The following HEATR9 variants were observed in gnomAD, a reference collection of about 807,000 sequenced individuals.
The protein encoded by HEATR9 is protein HEATR9.
A neutral mutation model predicts 68.2 loss-of-function variants in HEATR9; 54 were observed. The ratio of observed to expected loss-of-function variants is 0.79; its 90% CI spans 0.64 to 0.99. HEATR9 has a LOEUF of 0.99. Ranked by LOEUF, HEATR9 falls within the 50% of genes least tolerant of loss-of-function variation. HEATR9 has a pLI of 0.00. For synonymous variants in HEATR9, 241 were observed against 253.5 expected (o/e 0.95, Z 0.47); for missense variants, 662 against 679.7 (o/e 0.97, Z 0.29).
rs751512814 is a variant in HEATR9, at chr17:35,858,947, T to C, written c.880A>G (p.Met294Val). The change falls in exon 9 of 15, where the codon ATG (methionine) becomes GTG (valine). Residue 294 changes from methionine (M) to valine (V), a missense_variant. Met to Val is a conservative substitution (Grantham distance 21). Coordinates refer to ENST00000604834, the MANE Select transcript of HEATR9 (RefSeq NM_152781.4). ...CACTGCAACAAGAACTCTTGGACCA[T>C]GTTGCTGCAAGGCCTCAGGAAACCC... ...CLGFLRPCSN[M>V]VQEFLLQCLC... 2 of 1,614,136 alleles carry C rather than the reference T, an allele frequency of 1.2e-6. No homozygotes were observed. The highest frequency in any genetic ancestry group is 1.1e-5 in the South Asian group (1 of 91,080).
intron 9 of HEATR9, 88 bp downstream of exon 9, chr17:35,858,800 C>T (rs974508265): frequency 1.4e-6 from 2 of 1,435,440 alleles, no homozygotes; most frequent in African/African-American, 2.8e-5. Context: ...CTGCAGTGCT[C>T]CACCACCAGG....
chr17:35,867,299 G>T (rs756204397), intron 1 of HEATR9, among the ~76,000 whole-genome samples: 6 of 151,788 alleles, frequency 4.0e-5, no homozygotes, highest in Non-Finnish European at 8.8e-5. Flanking sequence ...GCCAGGGGTG[G>T]TGGTGCATGC....
chr17:35,861,609 A>G (rs2087995275), intron 8 of HEATR9: 7 of 640,642 alleles, frequency 1.1e-5, no homozygotes, highest in Admixed American at 9.7e-5. Context: ...AACCATGCCA[A>G]ACATACTCCT....
Position 35,865,237 on chromosome 17 carries a change from T to C in HEATR9, c.298A>G (p.Arg100Gly). 6.2e-7 allele frequency: 1 copy of C among 1,614,040 alleles called. No individual in the cohort carries two copies. ...REEREAEKML[R>G]KMRDDCRYIK... Reference sequence around the variant, plus strand: ...CACCTACAGTCATCTCTCATTTTCCTCAACATCTTCTCAGCCTCCCTTTCC... The same window carrying C: ...CACCTACAGTCATCTCTCATTTTCCCCAACATCTTCTCAGCCTCCCTTTCC... The change falls in exon 3 of 15, where the codon AGG (arginine) becomes GGG (glycine). Residue 100 changes from arginine to glycine, a missense_variant. Arg to Gly is a moderately radical substitution (Grantham distance 125, BLOSUM62 -2). Coordinates refer to ENST00000604834, the MANE Select transcript of HEATR9 (RefSeq NM_152781.4).
In HEATR9 at chr17:35,858,479, A is replaced by G. The variant is rs984758322; in HGVS notation, c.986T>C (p.Val329Ala). 6.2e-7 allele frequency: 1 copy of G among 1,614,044 alleles called. No homozygotes were observed. Among genetic ancestry groups the G allele is most frequent in the Admixed American group, 1.7e-5 (1 of 60,008 alleles). The change falls in exon 10 of 15, where the codon GTC becomes GCC. Residue 329 changes from valine to alanine, a missense_variant. Transcript: ENST00000604834. Reference protein sequence around the residue: ...VKVMHVHSAPVIKAILDQLCS... With the variant: ...VKVMHVHSAPAIKAILDQLCS... Reference sequence around the variant, plus strand: ...CAGCTGGTCTAGGATGGCCTTGATGACTGGGGCTGAGTGCACGTGCATCAC... The same window carrying G: ...CAGCTGGTCTAGGATGGCCTTGATGGCTGGGGCTGAGTGCACGTGCATCAC...
At position 35,863,669 on chromosome 17, in the gene HEATR9, T is replaced by TA. The variant is rs2088084088; in HGVS notation, c.568-111dup. 38 of 1,195,016 alleles carry TA rather than the reference T, an allele frequency of 3.2e-5. No individual in the cohort carries two copies. In the East Asian group the frequency reaches 9.1e-4, roughly 29 times the overall value. 74.0% of individuals were successfully genotyped at this position (1,195,016 alleles called of 1,614,324 possible). Reference sequence around the variant, plus strand: ...TTTTACAAAAGAGGAAACTGAAGCCTAGAAAGTGACCTATCTATTCTCAAA... The same window carrying TA: ...TTTTACAAAAGAGGAAACTGAAGCCTAAGAAAGTGACCTATCTATTCTCAAA... On this transcript the variant is annotated intron_variant, in intron 6 of 14. Transcript: ENST00000604834.
chr17:35,866,650 A>C (rs2143976337), intron 2 of HEATR9, 74 bp downstream of exon 2: 2 of 1,394,614 alleles, frequency 1.4e-6, no homozygotes, highest in Middle Eastern at 3.6e-4. Flanking sequence ...AGCTGGCTTT[A>C]ATGGGAAGGG....
chr17:35,868,445 G>A, intron 1 of HEATR9: 3 of 774,130 alleles, frequency 3.9e-6, no homozygotes, highest in Admixed American at 3.0e-5. Flanking sequence ...AGACACACAG[G>A]TGTCCCATCT....
At chr17:35,864,602 A>C in intron 4 of HEATR9, 49 bp from the exon 5 acceptor site, 2 of 1,594,606 alleles carry the variant, frequency 1.3e-6, no homozygotes, top group Non-Finnish European at 1.7e-6. Context: ...AAAAATAAAG[A>C]ATTTCAAACT....
chr17:35,863,230 C>T, intron 7 of HEATR9, 105 bp from the exon 8 acceptor site: 3 of 1,450,788 alleles, frequency 2.1e-6, no homozygotes, highest in Non-Finnish European at 2.9e-6. Flanking sequence ...GTTCCAAGTC[C>T]TAGGTACCAC....
In HEATR9 at chr17:35,858,486, C is replaced by T; in HGVS notation, c.979G>A (p.Ala327Thr). Residue 327 changes from alanine (A) to threonine (T), a missense_variant, in exon 10 of 15, where the codon GCC (alanine) becomes ACC (threonine). Ala to Thr is a moderately conservative substitution (Grantham distance 58, BLOSUM62 0). Transcript: ENST00000604834. ...TCTAGGATGGCCTTGATGACTGGGG[C>T]TGAGTGCACGTGCATCACCTTGACC... ...MLVKVMHVHS[A>T]PVIKAILDQL... 6.2e-7 allele frequency: 1 copy of T among 1,614,046 alleles called. No individual in the cohort carries two copies. Among genetic ancestry groups the T allele is most frequent in the Non-Finnish European group, 8.5e-7 (1 of 1,180,018 alleles).
chr17:35,868,219 C>T (rs1329400415), intron 1 of HEATR9, among the ~76,000 whole-genome samples: 1 of 152,184 alleles, frequency 6.6e-6, no homozygotes, highest in African/African-American at 2.4e-5. Context: ...GATGTAGACA[C>T]AGGTGGTAAA....
chr17:35,856,239 G>A lies in HEATR9; in HGVS notation c.1227-15C>T. 4 of 1,614,062 alleles carry A rather than the reference G, an allele frequency of 2.5e-6. No individual in the cohort carries two copies. The highest frequency in any genetic ancestry group is 3.4e-6 in the Non-Finnish European group (4 of 1,179,964). ...TCATCAGTTGTCTGTGTAGAAGGGA[G>A]TGAGTATGTTATAGTTGAATTAAGG... On this transcript the variant is annotated splice_polypyrimidine_tract_variant and intron_variant, in intron 12 of 14. Transcript: ENST00000604834.
chr17:35,857,243 C>G (rs2087805799), intron 11 of HEATR9, among the ~76,000 whole-genome samples: 1 of 152,112 alleles, frequency 6.6e-6, no homozygotes, highest in South Asian at 2.1e-4. Context: ...TCTGAGTGCT[C>G]TAATTACCCT....
At chr17:35,860,817 G>A (rs2087962237) in intron 8 of HEATR9, among the ~76,000 whole-genome samples, 1 of 152,058 alleles carries the variant, frequency 6.6e-6, no homozygotes, top group African/African-American at 2.4e-5. Context: ...AGGTCGAGGT[G>A]GGTGAATCAC....
At chr17:35,861,045 CA>C (rs370812471) in intron 8 of HEATR9, 54,583 of 585,062 alleles carry the variant, frequency 0.093, 1,257 homozygotes, top group South Asian at 0.21. Flanking sequence ...GATTCGGTCT[CA>C]AAAAAAAAAA....
In HEATR9 at chr17:35,858,193, CACTT is replaced by C. The variant is rs754142619; in HGVS notation, c.1152+3_1152+6del. ...TCTCTGGGCTTGGGAGCTTTGGTCT[CACTT>C]ACAAGGAAGGGTTCATTATGCGTCT... On this transcript the variant is annotated splice_donor_5th_base_variant and intron_variant, in intron 11 of 14. Coordinates refer to ENST00000604834, the MANE Select transcript of HEATR9 (RefSeq NM_152781.4). 2.9e-5 allele frequency: 47 copies of C among 1,613,998 alleles called. 1 individual carries two copies. Among genetic ancestry groups the C allele is most frequent in the African/African-American group, 1.5e-4 (11 of 74,894 alleles).
Position 35,858,997 on chromosome 17 carries a change from G to C in HEATR9, c.830C>G (p.Ala277Gly). The C allele has an allele frequency of 6.2e-7, 1 of 1,614,202 alleles. No homozygotes were observed. The highest frequency in any genetic ancestry group is 8.5e-7 in the Non-Finnish European group (1 of 1,180,042). Residue 277 changes from alanine (A) to glycine (G), a missense_variant, in exon 9 of 15, where the codon GCA becomes GGA. Coordinates refer to ENST00000604834, the MANE Select transcript of HEATR9 (RefSeq NM_152781.4). Reference sequence around the variant, plus strand: ...CAGGCACAGGGCTGCCTCCAGAGATGCTTCACTGGACGACTTCTTGATCAG... The same window carrying C: ...CAGGCACAGGGCTGCCTCCAGAGATCCTTCACTGGACGACTTCTTGATCAG... ...QTLIKKSSSEASLEAALCLGF... is the reference protein window; with the variant it reads ...QTLIKKSSSEGSLEAALCLGF...
Position 35,864,504 on chromosome 17 carries a change from G to T in HEATR9, c.503C>A (p.Ala168Glu). 6.2e-7 allele frequency: 1 copy of T among 1,614,008 alleles called. No individual in the cohort carries two copies. Among genetic ancestry groups the T allele is most frequent in the African/African-American group, 1.3e-5 (1 of 75,050 alleles). The change falls in exon 5 of 15, where the codon GCA (alanine) becomes GAA (glutamate). Residue 168 changes from alanine (A) to glutamate (E), a missense_variant. Ala to Glu is a moderately radical substitution (Grantham distance 107). Coordinates refer to ENST00000604834, the MANE Select transcript of HEATR9 (RefSeq NM_152781.4). ...ATCCTTGCCTCTTCTCACCTGTGCT[G>T]CATAGAACTGCTCATCCTCTCTGGG... ...ESPREDEQFY[A>E]AQALGCLRIS...
Sources: gnomAD v4.1 joint callset for allele counts (sites outside exome capture counted in the v4.1 genomes callset) on GRCh38, gnomAD v4.1.1 for gene constraint, MANE v1.5 for transcripts, NCBI Gene and HGNC (gene_info 2026-07-23, HGNC 2026-07-21) for gene names.